Variants in SYT1 observed in about 807,000 individuals in gnomAD.
SYT1 encodes the protein synaptotagmin 1, also known as synaptotagmin-1.
In SYT1, 8 loss-of-function variants were observed where a neutral mutation model predicts 44.8. That is an observed-to-expected ratio of 0.18 (90% CI 0.10 to 0.32). SYT1 has a LOEUF of 0.32. SYT1 is among the 10% of genes least tolerant of loss of function. The probability of loss-of-function intolerance (pLI) is 1.00; values close to 1 mark genes in which losing one functional copy is unlikely to be tolerated. For missense variants in SYT1, 286 were observed against 509.3 expected, an observed-to-expected ratio of 0.56 and a Z score of 4.22; for synonymous variants, 154 against 188.8, an observed-to-expected ratio of 0.82 and a Z score of 1.51.
At chr12:79,398,557 T>C (rs868512801) in intron 9 of SYT1, among the ~76,000 whole-genome samples, 28 of 152,210 alleles carry the variant, frequency 1.8e-4, no homozygotes, top group African/African-American at 6.3e-4. Context: ...GGTCCTTATA[T>C]GGTCCTTATT....
intron 1 of SYT1, among the ~76,000 whole-genome samples, chr12:78,953,130 G>A (rs1006109934): frequency 1.3e-5 from 2 of 152,060 alleles, no homozygotes; most frequent in African/African-American, 2.4e-5. Flanking sequence ...TAAAAAGAGC[G>A]GTGGTAGGAA....
intron 3 of SYT1, among the ~76,000 whole-genome samples, chr12:79,187,145 A>G (rs923194684): frequency 2.6e-5 from 4 of 152,018 alleles, no homozygotes; most frequent in Non-Finnish European, 4.4e-5. Flanking sequence ...TCAAACCTCA[A>G]GCAGCTACCA....
intron 4 of SYT1, among the ~76,000 whole-genome samples, chr12:79,274,370 T>A (rs1170937441): frequency 2.0e-5 from 3 of 152,176 alleles, no homozygotes; most frequent in Non-Finnish European, 4.4e-5. Flanking sequence ...TCTGCTGAAG[T>A]CTGCAGGTGT....
chr12:78,964,420 C>A (rs1282855868), intron 1 of SYT1, among the ~76,000 whole-genome samples: 1 of 151,992 alleles, frequency 6.6e-6, no homozygotes, highest in Non-Finnish European at 1.5e-5. Flanking sequence ...CTACTATTTT[C>A]TTTTAAAATT....
At chr12:78,885,317 GAA>G (rs1874675193) in intron 1 of SYT1, among the ~76,000 whole-genome samples, 1 of 132,158 alleles carries the variant, frequency 7.6e-6, no homozygotes. Context: ...GAGAGGGAGG[GAA>G]GAAGGAAGGA....
At chr12:79,376,632 C>T (rs1355860374) in intron 9 of SYT1, among the ~76,000 whole-genome samples, 2 of 152,202 alleles carry the variant, frequency 1.3e-5, no homozygotes, top group Non-Finnish European at 2.9e-5. Context: ...GTTTCAGCCT[C>T]ATTTTACCCA....
At chr12:79,046,059 A>G (rs968834402) in intron 2 of SYT1, among the ~76,000 whole-genome samples, 42 of 152,114 alleles carry the variant, frequency 2.8e-4, no homozygotes, top group Admixed American at 1.3e-3. Flanking sequence ...TATGGCTCTA[A>G]GTCATGTTTT....
At chr12:79,423,754 T>C (rs1869261959) in intron 9 of SYT1, among the ~76,000 whole-genome samples, 1 of 151,868 alleles carries the variant, frequency 6.6e-6, no homozygotes, top group African/African-American at 2.4e-5. Context: ...GAGATGTTAT[T>C]GCACAATCCC....
At chr12:79,372,319 G>A (rs1883822767) in intron 9 of SYT1, among the ~76,000 whole-genome samples, 1 of 152,168 alleles carries the variant, frequency 6.6e-6, no homozygotes. Flanking sequence ...TTGAAGTAAA[G>A]TGAATTAAAT....
At position 79,349,044 on chromosome 12, in the gene SYT1, AGAAAGAAAGAAAGGAGGGAG is replaced by A. The variant is rs1254646038; in HGVS notation, c.811-4456_811-4437del. On this transcript the variant is annotated intron_variant, in intron 8 of 10. Coordinates refer to ENST00000261205, the MANE Select transcript of SYT1 (RefSeq NM_005639.3). ...GAAAGAAAGAAAGAAAAAGAAAGAA[AGAAAGAAAGAAAGGAGGGAG>A]GGAGGGAGGGAGGGAAGGAAGGGAG... Among the ~76,000 whole-genome samples, 497 of 137,780 alleles carry A rather than the reference AGAAAGAAAGAAAGGAGGGAG, an allele frequency of 3.6e-3. 2 individuals carry two copies. The highest frequency in any genetic ancestry group is 0.013 in the African/African-American group (460 of 36,182). 90.4% of individuals were successfully genotyped at this position (137,780 alleles called of 152,430 possible).
At chr12:79,201,592 G>C (rs879729918) in intron 3 of SYT1, among the ~76,000 whole-genome samples, 1 of 152,100 alleles carries the variant, frequency 6.6e-6, no homozygotes, top group African/African-American at 2.4e-5. Context: ...ATATAAGCCA[G>C]AATTTTAATA....
At chr12:79,161,050 T>G (rs963292908) in intron 3 of SYT1, among the ~76,000 whole-genome samples, 3 of 151,968 alleles carry the variant, frequency 2.0e-5, no homozygotes, top group Non-Finnish European at 4.4e-5. Flanking sequence ...CTAGGCAATA[T>G]AGCAAAAACC....
intron 2 of SYT1, among the ~76,000 whole-genome samples, chr12:79,013,591 C>T (rs1455357331): frequency 6.6e-6 from 1 of 152,200 alleles, no homozygotes; most frequent in African/African-American, 2.4e-5. Context: ...GCATATTTCA[C>T]TATATTTCCT....
chr12:79,339,654 G>A lies in SYT1; in HGVS notation c.811-13848G>A, dbSNP rs111712896. Among the ~76,000 whole-genome samples the A allele has an allele frequency of 7.2e-5, 11 of 152,260 alleles. 1 individual carries two copies. Among genetic ancestry groups the A allele is most frequent in the African/African-American group, 2.6e-4 (11 of 41,560 alleles). On this transcript the variant is annotated intron_variant, in intron 8 of 10. Transcript: ENST00000261205. ...CTCTGATGGTAGTTTCTTTTGCTGT[G>A]CAGAAGCCCTTTAGTTTAATTAGAT...
At chr12:79,253,494 T>TCTCTCG (rs1445730310) in intron 4 of SYT1, among the ~76,000 whole-genome samples, 2 of 147,782 alleles carry the variant, frequency 1.4e-5, no homozygotes, top group Non-Finnish European at 3.0e-5. Context: ...TCTCTCTCTC[T>TCTCTCG]CTCTCTCTCT....
chr12:79,384,842 G>A (rs151017294), intron 9 of SYT1, among the ~76,000 whole-genome samples: 3 of 152,118 alleles, frequency 2.0e-5, no homozygotes, highest in South Asian at 2.1e-4. Context: ...CCTGAGTTAC[G>A]TAAGATGTTA....
At chr12:78,970,089 C>G (rs1221291400) in intron 1 of SYT1, among the ~76,000 whole-genome samples, 3 of 152,042 alleles carry the variant, frequency 2.0e-5, no homozygotes, top group Non-Finnish European at 2.9e-5. Context: ...TCAGTCCACT[C>G]AATGTATTAA....
At chr12:79,092,056 T>C (rs1206898965) in intron 3 of SYT1, among the ~76,000 whole-genome samples, 1 of 151,932 alleles carries the variant, frequency 6.6e-6, no homozygotes, top group East Asian at 1.9e-4. Flanking sequence ...AAATTGTGCC[T>C]GTAATACCTT....
chr12:79,055,125 G>C (rs1173046080), intron 3 of SYT1, among the ~76,000 whole-genome samples: 1 of 151,900 alleles, frequency 6.6e-6, no homozygotes, highest in Non-Finnish European at 1.5e-5. Flanking sequence ...TCTCCATTGA[G>C]TAATTGTGAT....
Sources: allele counts gnomAD v4.1 joint callset (sites outside exome capture counted in the v4.1 genomes callset), GRCh38; gene constraint gnomAD v4.1.1; transcripts MANE v1.5; gene names NCBI Gene and HGNC (gene_info 2026-07-23, HGNC 2026-07-21).